Variants in CHN2 observed in about 807,000 individuals in gnomAD.
CHN2 encodes chimerin 2, also known as beta-chimaerin.
Under a neutral mutation model 56.3 loss-of-function variants are expected in CHN2, and 35 were observed. The ratio of observed to expected loss-of-function variants is 0.62; its 90% confidence interval spans 0.47 to 0.82. The LOEUF (loss-of-function observed/expected upper bound fraction) is 0.82, where lower values mean the gene tolerates loss of function less well. Among genes scored for constraint, CHN2 ranks in the 40% least tolerant of loss-of-function variants. The pLI is 0.00. For missense variants in CHN2, 491 were observed against 580.5 expected (o/e 0.85, Z 1.58); for synonymous variants, 210 against 212.8 (o/e 0.99, Z 0.12).
chr7:29,194,764 G>A, upstream of CHN2: 1 of 470,006 alleles, frequency 2.1e-6, no homozygotes, highest in Non-Finnish European at 3.5e-6. Flanking sequence ...GGCGGCGGCA[G>A]CGCGTCATCT....
chr7:29,493,308 T>G (rs553772694), intron 7 of CHN2, among the ~76,000 whole-genome samples: 2 of 152,294 alleles, frequency 1.3e-5, no homozygotes, highest in African/African-American at 4.8e-5. Context: ...GCAAGTACGC[T>G]CTATGATGAT....
intron 1 of CHN2, among the ~76,000 whole-genome samples, chr7:29,345,782 G>A (rs896932874): frequency 3.9e-5 from 6 of 152,054 alleles, no homozygotes; most frequent in Non-Finnish European, 4.4e-5. Context: ...CAAGACAGAA[G>A]CTCCATGTGG....
At chr7:29,413,859 A>C (rs1803472379) in intron 6 of CHN2, among the ~76,000 whole-genome samples, 1 of 152,168 alleles carries the variant, frequency 6.6e-6, no homozygotes, top group African/African-American at 2.4e-5. Flanking sequence ...CCTCTTCCCA[A>C]TATCGGTACT....
intron 4 of CHN2, chr7:29,397,567 AG>A (rs1266438529): frequency 5.9e-5 from 9 of 152,234 alleles, no homozygotes; most frequent in African/African-American, 1.9e-4. Context: ...TCAAATCTCC[AG>A]TCCTGTGGGA....
intron 2 of CHN2, among the ~76,000 whole-genome samples, chr7:29,155,238 A>T (rs1317429923): frequency 1.3e-5 from 2 of 152,334 alleles, no homozygotes; most frequent in East Asian, 3.9e-4. Flanking sequence ...TTATTATCTA[A>T]ACTTGGGTTG....
intron 1 of CHN2, among the ~76,000 whole-genome samples, chr7:29,225,889 G>A (rs1428889749): frequency 6.6e-6 from 1 of 152,120 alleles, no homozygotes; most frequent in African/African-American, 2.4e-5. Flanking sequence ...CAAGGCATGG[G>A]ATTAGGCGTT....
At chr7:29,227,079 T>C (rs1786266197) in intron 1 of CHN2, among the ~76,000 whole-genome samples, 1 of 152,204 alleles carries the variant, frequency 6.6e-6, no homozygotes, top group South Asian at 2.1e-4. Flanking sequence ...TAGACTATTC[T>C]AGGCCTATTC....
chr7:29,459,579 G>A (rs531567456), intron 6 of CHN2, among the ~76,000 whole-genome samples: 1 of 152,332 alleles, frequency 6.6e-6, no homozygotes, highest in East Asian at 1.9e-4. Flanking sequence ...CCAGGGTGGG[G>A]AAGGAACAGA....
At chr7:29,467,810 T>C (rs1426472874) in intron 6 of CHN2, among the ~76,000 whole-genome samples, 3 of 152,244 alleles carry the variant, frequency 2.0e-5, no homozygotes, top group African/African-American at 7.2e-5. Context: ...ACCAGTGGCA[T>C]AGGATGGTTG....
chr7:29,511,624 A>C (rs1481370098), intron 12 of CHN2, among the ~76,000 whole-genome samples: 1 of 152,166 alleles, frequency 6.6e-6, no homozygotes, highest in Non-Finnish European at 1.5e-5. Context: ...AACTGGGTTG[A>C]CCTTAAAATA....
chr7:29,184,453 G>A (rs1232966155), intron 2 of CHN2: 2 of 152,122 alleles, frequency 1.3e-5, no homozygotes, highest in Non-Finnish European at 2.9e-5. Flanking sequence ...TCTGCAGGAT[G>A]ACTTGGCATG....
At chr7:29,242,556 G>A (rs759129318) in intron 1 of CHN2, among the ~76,000 whole-genome samples, 5 of 150,884 alleles carry the variant, frequency 3.3e-5, no homozygotes, top group Non-Finnish European at 7.4e-5. Flanking sequence ...TTTCTTTCTA[G>A]AACTGGGTTC....
chr7:29,354,743 G>A (rs931909973), intron 2 of CHN2, 80 bp downstream of exon 2: 5 of 1,266,010 alleles, frequency 3.9e-6, no homozygotes, highest in Admixed American at 1.8e-5. Flanking sequence ...GCGATGTAGT[G>A]CACACAAGCG....
At chr7:29,146,942 C>T in exon 2 of CHN2, 1 of 1,551,158 alleles carries the variant, frequency 6.4e-7, no homozygotes, top group Non-Finnish European at 8.7e-7. Flanking sequence ...TGATGGTCTA[C>T]ATTCCAGCTG....
At chr7:29,240,828 G>GTCA (rs1787610740) in intron 1 of CHN2, among the ~76,000 whole-genome samples, 1 of 151,198 alleles carries the variant, frequency 6.6e-6, no homozygotes, top group Non-Finnish European at 1.5e-5. Context: ...CGTCGTCGTC[G>GTCA]TCGTCGTCTT....
intron 1 of CHN2, among the ~76,000 whole-genome samples, chr7:29,276,160 CA>C (rs1791194615): frequency 1.1e-5 from 1 of 92,068 alleles, no homozygotes; most frequent in Admixed American, 1.2e-4. Flanking sequence ...TGGGAGAGAT[CA>C]GATGCAAGAG....
intron 1 of CHN2, among the ~76,000 whole-genome samples, chr7:29,327,707 C>T (rs980841558): frequency 1.3e-5 from 2 of 152,138 alleles, no homozygotes; most frequent in Non-Finnish European, 1.5e-5. Context: ...GGTTGTGAAG[C>T]ATCTGGAGCC....
At chr7:29,261,373 G>A (rs1323639311) in intron 1 of CHN2, among the ~76,000 whole-genome samples, 1 of 152,102 alleles carries the variant, frequency 6.6e-6, no homozygotes, top group Non-Finnish European at 1.5e-5. Context: ...CAAACCCATT[G>A]AGAGCAGTTG....
intron 3 of CHN2, among the ~76,000 whole-genome samples, chr7:29,382,224 T>A (rs1283986090): frequency 6.6e-6 from 1 of 152,218 alleles, no homozygotes; most frequent in Non-Finnish European, 1.5e-5. Flanking sequence ...TTTCATTTAA[T>A]GGTTTCTACT....
Sources: allele counts gnomAD v4.1 joint callset (sites outside exome capture counted in the v4.1 genomes callset), GRCh38; gene constraint gnomAD v4.1.1; transcripts MANE v1.5; gene names NCBI Gene and HGNC (gene_info 2026-07-23, HGNC 2026-07-21).